The following FAM107B variants were observed in gnomAD, a reference collection of about 807,000 sequenced individuals.
FAM107B encodes the protein family with sequence similarity 107 member B, also known as protein FAM107B.
A neutral mutation model predicts 31.5 loss-of-function variants in FAM107B; 21 were observed. The ratio of observed to expected loss-of-function variants is 0.67; its 90% CI spans 0.47 to 0.96. The LOEUF (loss-of-function observed/expected upper bound fraction) is 0.96. FAM107B is among the 40% of genes least tolerant of loss of function. FAM107B has a pLI of 0.00. For missense variants in FAM107B, 452 were observed against 377.1 expected (o/e 1.20, Z -1.64); for synonymous variants, 157 against 141.5 (o/e 1.11, Z -0.78).
chr10:14,627,684 G>T (rs925968240), intron 2 of FAM107B, among the ~76,000 whole-genome samples: 1 of 152,190 alleles, frequency 6.6e-6, no homozygotes, highest in East Asian at 1.9e-4. Context: ...GAGGCAGGTA[G>T]ATCGCTTGAG....
intron 1 of FAM107B, among the ~76,000 whole-genome samples, chr10:14,744,173 G>A (rs1006262467): frequency 1.3e-4 from 20 of 152,160 alleles, no homozygotes; most frequent in African/African-American, 4.8e-4. Flanking sequence ...GCATAGGAAT[G>A]CTTGTGATTT....
chr10:14,660,571 T>C (rs1854207811), intron 2 of FAM107B, among the ~76,000 whole-genome samples: 1 of 152,174 alleles, frequency 6.6e-6, no homozygotes, highest in Non-Finnish European at 1.5e-5. Flanking sequence ...CAAATAAAAT[T>C]AGTAAGTGAA....
At chr10:14,671,990 A>C (rs1374999509) in intron 1 of FAM107B, among the ~76,000 whole-genome samples, 1 of 151,934 alleles carries the variant, frequency 6.6e-6, no homozygotes, top group Non-Finnish European at 1.5e-5. Context: ...ACACCAGTGT[A>C]AGAACTCCAG....
chr10:14,695,169 T>C (rs1392960343), intron 1 of FAM107B, among the ~76,000 whole-genome samples: 1 of 152,160 alleles, frequency 6.6e-6, no homozygotes, highest in Non-Finnish European at 1.5e-5. Context: ...TTTGAGTTGA[T>C]TTTTGTGTAC....
intron 2 of FAM107B, among the ~76,000 whole-genome samples, chr10:14,645,854 G>T (rs1853739268): frequency 6.6e-6 from 1 of 152,114 alleles, no homozygotes; most frequent in African/African-American, 2.4e-5. Context: ...ATAACCCATT[G>T]GGTGGAAATG....
chr10:14,583,101 A>G (rs1054107085), intron 2 of FAM107B, among the ~76,000 whole-genome samples: 12 of 151,850 alleles, frequency 7.9e-5, no homozygotes, highest in Admixed American at 6.6e-5. Context: ...AAAAAAAAAA[A>G]AAAGAAAAGA....
intron 1 of FAM107B, among the ~76,000 whole-genome samples, chr10:14,749,375 A>C (rs1330340403): frequency 6.6e-6 from 1 of 152,024 alleles, no homozygotes; most frequent in Admixed American, 6.6e-5. Flanking sequence ...GCTCCGCCCC[A>C]CCAGTGAGGT....
At chr10:14,660,310 T>C (rs747679792) in intron 2 of FAM107B, among the ~76,000 whole-genome samples, 7 of 152,172 alleles carry the variant, frequency 4.6e-5, no homozygotes, top group Non-Finnish European at 8.8e-5. Context: ...AAGCAATGCA[T>C]GGTTTAAGAG....
At chr10:14,646,481 A>G (rs538777374) in intron 2 of FAM107B, among the ~76,000 whole-genome samples, 1 of 152,322 alleles carries the variant, frequency 6.6e-6, no homozygotes, top group Admixed American at 6.5e-5. Context: ...CTCCAGCTCC[A>G]TCAAAGTTGC....
intron 1 of FAM107B, among the ~76,000 whole-genome samples, chr10:14,712,132 C>T (rs1349309087): frequency 2.0e-5 from 3 of 152,164 alleles, no homozygotes; most frequent in Non-Finnish European, 4.4e-5. Context: ...GTTAAAAATA[C>T]ACAGATTTAT....
Position 14,737,766 on chromosome 10 carries a change from T to TTCTCTCTCTC in FAM107B, c.411+36477_411+36486dup, listed in dbSNP as rs11276189. 7.3e-3 allele frequency among the ~76,000 whole-genome samples: 924 copies of TTCTCTCTCTC among 127,092 alleles called. 35 individuals carry two copies. The highest frequency in any genetic ancestry group is 0.016 in the African/African-American group (486 of 31,040). 83.4% of individuals were successfully genotyped at this position (127,092 alleles called of 152,430 possible). A position where few individuals can be genotyped will look rare whatever the true frequency, so the allele number is the denominator to read the frequency against. ...CCATGCAGTGCTGTGCGTGCACGCT[T>TTCTCTCTCTC]TCTCTCTCTCTCTCTCTCTCTCTCT... On this transcript the variant is annotated intron_variant, in intron 1 of 4. Transcript: ENST00000181796.
intron 1 of FAM107B, among the ~76,000 whole-genome samples, chr10:14,746,798 C>G (rs961721535): frequency 1.3e-5 from 2 of 152,140 alleles, no homozygotes; most frequent in African/African-American, 4.8e-5. Context: ...CATGGAGTAT[C>G]TTACTGGGGT....
At chr10:14,670,410 A>C (rs917405987) in intron 1 of FAM107B, among the ~76,000 whole-genome samples, 6 of 152,244 alleles carry the variant, frequency 3.9e-5, no homozygotes, top group Admixed American at 1.3e-4. Context: ...AAGAATGTGT[A>C]AATAACAGAA....
chr10:14,603,727 G>C (rs2131378294), intron 2 of FAM107B, among the ~76,000 whole-genome samples: 1 of 152,308 alleles, frequency 6.6e-6, no homozygotes, highest in East Asian at 1.9e-4. Context: ...AAGAGGAAAA[G>C]TTACTTGCAG....
chr10:14,598,705 C>G (rs898593795), intron 2 of FAM107B, among the ~76,000 whole-genome samples: 8 of 152,170 alleles, frequency 5.3e-5, no homozygotes, highest in African/African-American at 1.9e-4. Context: ...ATGTTAAGTG[C>G]TCTTATCGCA....
At chr10:14,626,113 A>G (rs945661965) in intron 2 of FAM107B, among the ~76,000 whole-genome samples, 1 of 152,098 alleles carries the variant, frequency 6.6e-6, no homozygotes, top group African/African-American at 2.4e-5. Context: ...AGCAGAGGAG[A>G]GAAAAGCCAT....
chr10:14,557,012 C>T (rs1849764693), intron 2 of FAM107B, among the ~76,000 whole-genome samples: 1 of 152,164 alleles, frequency 6.6e-6, no homozygotes, highest in South Asian at 2.1e-4. Flanking sequence ...CACATGATGT[C>T]CCCACCTGGA....
In FAM107B at chr10:14,673,608, A is replaced by C. The variant is rs148454783; in HGVS notation, c.412-5917T>G. Among the ~76,000 whole-genome samples, 8 of 152,282 alleles carry C rather than the reference A, an allele frequency of 5.3e-5. No homozygotes were observed. In the East Asian group the frequency reaches 1.5e-3, roughly 29 times the overall value. ...TGCTGCAATAAACACGAGAGTGTAG[A>C]TATCTCTTTGACATGCTGATCTCCT... On this transcript the variant is annotated intron_variant, in intron 1 of 4. Coordinates refer to ENST00000181796, the MANE Select transcript of FAM107B (RefSeq NM_031453.4).
At chr10:14,613,694 G>T (rs1852782508) in intron 2 of FAM107B, among the ~76,000 whole-genome samples, 2 of 152,088 alleles carry the variant, frequency 1.3e-5, no homozygotes, top group Non-Finnish European at 2.9e-5. Flanking sequence ...CACTAATACT[G>T]CTTTCCTTCC....
Sources: gnomAD v4.1 joint callset for allele counts (sites outside exome capture counted in the v4.1 genomes callset) on GRCh38, gnomAD v4.1.1 for gene constraint, MANE v1.5 for transcripts, NCBI Gene and HGNC (gene_info 2026-07-23, HGNC 2026-07-21) for gene names.